CDHR1: variants seen among roughly 807,000 people sequenced by gnomAD.
CDHR1 encodes cadherin related family member 1.
CDHR1 carries 61 observed loss-of-function variants against 72.1 expected under a neutral mutation model. The observed-to-expected ratio is 0.85, with a 90% confidence interval of 0.69 to 1.05. The LOEUF (loss-of-function observed/expected upper bound fraction) is 1.05, where lower values mean the gene tolerates loss of function less well. Ranked by LOEUF, CDHR1 falls within the 50% of genes least tolerant of loss-of-function variation. The pLI, the probability that CDHR1 is intolerant of heterozygous loss-of-function variation, is 0.00. For missense variants in CDHR1, 1,186 were observed against 1,115.7 expected (o/e 1.06, Z -0.90); for synonymous variants, 470 against 448.1 (o/e 1.05, Z -0.62).
In CDHR1 at chr10:84,217,407, T is replaced by G. The variant is rs1842442533; in HGVS notation, c.*2786T>G. 1 of 985,448 alleles carries G rather than the reference T, an allele frequency of 1.0e-6. No individual in the cohort carries two copies. The highest frequency in any genetic ancestry group is 1.7e-5 in the African/African-American group (1 of 57,362). 61.0% of individuals were successfully genotyped at this position (985,448 alleles called of 1,614,324 possible). On this transcript the variant is annotated 3_prime_UTR_variant, in exon 17 of 17. Transcript: ENST00000623527. Reference sequence around the variant, plus strand: ...TTTTCCTCCTGCGGCTGAGCTCAGATCTTCCAATCACGTGAAATAACAAAG... The same window carrying G: ...TTTTCCTCCTGCGGCTGAGCTCAGAGCTTCCAATCACGTGAAATAACAAAG...
chr10:84,212,910 T>C, intron 15 of CDHR1, 181 bp from the exon 16 acceptor site: 2 of 731,134 alleles, frequency 2.7e-6, no homozygotes, highest in Non-Finnish European at 4.7e-6. Flanking sequence ...GTGTAAGACC[T>C]ACGTAAACCC....
At position 84,217,291 on chromosome 10, in the gene CDHR1, C is replaced by A; in HGVS notation, c.*2670C>A. 1.0e-6 allele frequency: 1 copy of A among 985,484 alleles called. No homozygotes were observed. The highest frequency in any genetic ancestry group is 1.1e-4 in the East Asian group (1 of 8,808). The allele number at this position is 985,484 out of a possible 1,614,324, so 61.0% of individuals were successfully genotyped here. ...AGAGCTGGGAGGCAGGAATGGCACACTGGGCAGGCTTGCCCATTCCTGGCC... is the reference window on the plus strand; with the variant it reads ...AGAGCTGGGAGGCAGGAATGGCACAATGGGCAGGCTTGCCCATTCCTGGCC... On this transcript the variant is annotated 3_prime_UTR_variant, in exon 17 of 17. Coordinates refer to ENST00000623527, the MANE Select transcript of CDHR1 (RefSeq NM_033100.4).
chr10:84,216,640 A>G lies in CDHR1; in HGVS notation c.*2019A>G, dbSNP rs546338766. ...CCTGGCTGCTTCAGCAGGTGGATCC[A>G]TTCTTCGACCCCCAGATGTGACTCT... is the stretch of plus-strand genomic sequence containing the variant. On this transcript the variant is annotated 3_prime_UTR_variant, in exon 17 of 17. Coordinates refer to ENST00000623527, the MANE Select transcript of CDHR1 (RefSeq NM_033100.4). 230 of 985,482 alleles carry G rather than the reference A, an allele frequency of 2.3e-4. No individual in the cohort carries two copies. The African/African-American group carries it at 3.5e-3, about 15-fold the overall frequency. The allele number at this position is 985,482 out of a possible 1,614,324, so 61.0% of individuals were successfully genotyped here. A position where few individuals can be genotyped will look rare whatever the true frequency, so the allele number is the denominator to read the frequency against.
chr10:84,216,488 C>A lies in CDHR1; in HGVS notation c.*1867C>A. ...CTTACAGCTTGCATGCAATCAACCT[C>A]TTTTGTAAATGGAAAATAAAGTCTG... On this transcript the variant is annotated 3_prime_UTR_variant, in exon 17 of 17. Transcript: ENST00000623527. 2 of 985,530 alleles carry A rather than the reference C, an allele frequency of 2.0e-6. No homozygotes were observed. The highest frequency in any genetic ancestry group is 2.4e-6 in the Non-Finnish European group (2 of 829,974). 61.0% of individuals were successfully genotyped at this position (985,530 alleles called of 1,614,324 possible). A position where few individuals can be genotyped will look rare whatever the true frequency, so the allele number is the denominator to read the frequency against.
chr10:84,203,535 T>A (rs1354342071), intron 8 of CDHR1, among the ~76,000 whole-genome samples: 1 of 152,114 alleles, frequency 6.6e-6, no homozygotes, highest in African/African-American at 2.4e-5. Context: ...CTGCCTCAGC[T>A]TCCTGAGTAG....
At position 84,213,020 on chromosome 10, in the gene CDHR1, GT is replaced by G. The variant is rs572235852; in HGVS notation, c.1783-70del. On this transcript the variant is annotated intron_variant, in intron 15 of 16. Transcript: ENST00000623527. ...ATCAACCCAGCAAGCCCCATATGAC[GT>G]GCTGATTTAGCCAGAGTACACAAGG... The G allele has an allele frequency of 1.4e-3, 2,182 of 1,589,646 alleles. 3 individuals are homozygous for G. The highest frequency in any genetic ancestry group is 1.8e-3 in the Non-Finnish European group (2,030 of 1,158,144).
At position 84,215,643 on chromosome 10, in the gene CDHR1, T is replaced by G. The variant is rs780923062; in HGVS notation, c.*1022T>G. 1.0e-6 allele frequency: 1 copy of G among 974,964 alleles called. No individual in the cohort carries two copies. The highest frequency in any genetic ancestry group is 1.8e-5 in the African/African-American group (1 of 56,964). The allele number at this position is 974,964 out of a possible 1,614,324, so 60.4% of individuals were successfully genotyped here. A position where few individuals can be genotyped will look rare whatever the true frequency, so the allele number is the denominator to read the frequency against. On this transcript the variant is annotated 3_prime_UTR_variant, in exon 17 of 17. Coordinates refer to ENST00000623527, the MANE Select transcript of CDHR1 (RefSeq NM_033100.4). ...GGTCTAGGGTGAGGATTGAAGAAAA[T>G]AGTGGTGATGAGGGCTTTAACCAAG...
rs1193769780 is a variant in CDHR1 at position 84,214,784 on chromosome 10, C to A, written c.*163C>A. 56 of 1,551,486 alleles carry A rather than the reference C, an allele frequency of 3.6e-5. No individual in the cohort carries two copies. Among genetic ancestry groups the A allele is most frequent in the Non-Finnish European group, 4.5e-5 (52 of 1,156,490 alleles). The stretch of plus-strand genomic sequence containing the variant: ...TCTCTACCGCCACCTTCTGGCGCAA[C>A]AAGAAGTTGCGCTCTGACAGGGCTC... On this transcript the variant is annotated 3_prime_UTR_variant, in exon 17 of 17. Transcript: ENST00000623527.
chr10:84,203,211 G>A (rs1842163067), intron 8 of CDHR1, 88 bp downstream of exon 8: 2 of 1,555,272 alleles, frequency 1.3e-6, no homozygotes, highest in Non-Finnish European at 8.8e-7. Context: ...GCTGGAGATG[G>A]CTGGTCTGGT....
chr10:84,196,577 C>T lies in CDHR1; in HGVS notation c.224C>T (p.Pro75Leu). 2 of 1,614,212 alleles carry T rather than the reference C, an allele frequency of 1.2e-6. No individual in the cohort carries two copies. Among genetic ancestry groups the T allele is most frequent in the Non-Finnish European group, 1.7e-6 (2 of 1,180,018 alleles). ...DPISYHISFD[P>L]STRSVFSVDP... ...ATCTCCTACCACATCAGCTTTGACC[C>T]CAGCACTAGAAGCGTCTTTTCTGTT... The change falls in exon 3 of 17, where the codon CCC (proline) becomes CTC (leucine). Residue 75 changes from proline (P) to leucine (L), a missense_variant. Transcript: ENST00000623527.
intron 15 of CDHR1, chr10:84,212,764 C>A: frequency 1.9e-6 from 1 of 526,104 alleles, no homozygotes; most frequent in Non-Finnish European, 3.4e-6. Flanking sequence ...GACTTTGAAT[C>A]CTGACTCCCT....
chr10:84,209,831 T>C (rs1842296573), intron 12 of CDHR1, among the ~76,000 whole-genome samples: 1 of 152,202 alleles, frequency 6.6e-6, no homozygotes, highest in African/African-American at 2.4e-5. Flanking sequence ...ATATGTATCA[T>C]GCAAATGATG....
chr10:84,208,101 CAGGGG>C (rs931336327), intron 10 of CDHR1, 68 bp from the exon 11 acceptor site: 20 of 1,317,542 alleles, frequency 1.5e-5, no homozygotes, highest in Non-Finnish European at 2.1e-5. Context: ...ATACATTCTG[CAGGGG>C]AGGTAGGAGC....
At chr10:84,206,062 C>T (rs1262369237) in intron 10 of CDHR1, 135 bp downstream of exon 10, 7 of 717,506 alleles carry the variant, frequency 9.8e-6, no homozygotes, top group African/African-American at 7.0e-5. Context: ...AGAGCACCTG[C>T]ACCAGACATG....
chr10:84,216,873 A>C lies in CDHR1; in HGVS notation c.*2252A>C, dbSNP rs1199680471. On this transcript the variant is annotated 3_prime_UTR_variant, in exon 17 of 17. Transcript: ENST00000623527. ...GGCAAGGGCAGGAATTGGGAGGCCTAGGGTGGGCATGAAAGCTTGGGAAGC... is the reference window on the plus strand; with the variant it reads ...GGCAAGGGCAGGAATTGGGAGGCCTCGGGTGGGCATGAAAGCTTGGGAAGC... 1 of 985,360 alleles carries C rather than the reference A, an allele frequency of 1.0e-6. No homozygotes were observed. The highest frequency in any genetic ancestry group is 1.1e-4 in the East Asian group (1 of 8,826). 61.0% of individuals were successfully genotyped at this position (985,360 alleles called of 1,614,324 possible).
intron 1 of CDHR1, 98 bp from the exon 2 acceptor site, chr10:84,195,396 A>G (rs1842010095): frequency 1.8e-6 from 2 of 1,117,900 alleles, no homozygotes; most frequent in East Asian, 2.6e-5. Flanking sequence ...CCTGCCCAGT[A>G]GCTGGGCCTG....
rs575990345 is a variant in CDHR1 at position 84,205,279 on chromosome 10, C to G, written c.863-548C>G. Among the ~76,000 whole-genome samples, 62 of 152,264 alleles carry G rather than the reference C, an allele frequency of 4.1e-4. 2 individuals carry two copies. In the South Asian group the frequency reaches 0.011, roughly 27 times the overall value. On this transcript the variant is annotated intron_variant, in intron 9 of 16. Coordinates refer to ENST00000623527, the MANE Select transcript of CDHR1 (RefSeq NM_033100.4). ...CCTGTGCATACTCACTTTCCAGCAG[C>G]TCACATGTGGGCTGCCAGCCTCCTT...
chr10:84,213,299 C>A lies in CDHR1; in HGVS notation c.1991C>A (p.Pro664Gln). Residue 664 changes from proline (P) to glutamine (Q), a missense_variant, in exon 16 of 17, where the codon CCA becomes CAA. Physicochemically the swap from Pro to Gln is moderately conservative, Grantham distance 76. Coordinates refer to ENST00000623527, the MANE Select transcript of CDHR1 (RefSeq NM_033100.4). ...LEVQAKDRGS[P>Q]SFSTTALLKI... The stretch of plus-strand genomic sequence containing the variant: ...GTGCAGGCCAAGGACCGGGGCTCCC[C>A]ATCCTTCAGCACCACAGCCTTACTC... 1 of 1,614,252 alleles carries A rather than the reference C, an allele frequency of 6.2e-7. No homozygotes were observed. The highest frequency in any genetic ancestry group is 8.5e-7 in the Non-Finnish European group (1 of 1,180,050).
At chr10:84,206,127 A>G (rs1437684410) in intron 10 of CDHR1, among the ~76,000 whole-genome samples, 200 bp downstream of exon 10, 1 of 148,610 alleles carries the variant, frequency 6.7e-6, no homozygotes, top group Non-Finnish European at 1.5e-5. Context: ...TGAAGCAGCA[A>G]TGCCTGAGCA....
Sources: allele counts gnomAD v4.1 joint callset (sites outside exome capture counted in the v4.1 genomes callset), GRCh38; gene constraint gnomAD v4.1.1; transcripts MANE v1.5; gene names NCBI Gene and HGNC (gene_info 2026-07-23, HGNC 2026-07-21).